The following UMODL1 variants were observed in gnomAD, a reference collection of about 807,000 sequenced individuals.
UMODL1 encodes uromodulin like 1, also known as uromodulin-like 1.
In UMODL1, 128 loss-of-function variants were observed where a neutral mutation model predicts 136.3. That is an observed-to-expected ratio of 0.94 (90% confidence interval 0.81 to 1.09). UMODL1 has a LOEUF of 1.09. Ranked by LOEUF, UMODL1 falls within the 50% of genes least tolerant of loss-of-function variation. The pLI, the probability that UMODL1 is intolerant of heterozygous loss-of-function variation, is 0.00. For synonymous variants in UMODL1, 721 were observed against 720.0 expected, an observed-to-expected ratio of 1.00 and a Z score of -0.02; for missense variants, 1,766 against 1,725.6, an observed-to-expected ratio of 1.02 and a Z score of -0.41.
At chr21:42,086,901 G>A (rs2066432875) in intron 4 of UMODL1, among the ~76,000 whole-genome samples, 1 of 152,252 alleles carries the variant, frequency 6.6e-6, no homozygotes, top group South Asian at 2.1e-4. Context: ...AGGAGGCGGA[G>A]GTTGCAGTGA....
rs1277528132 is a variant in UMODL1, at chr21:42,102,191, A to G, written c.1212A>G (p.Ile404Met). 1 of 1,613,538 alleles carries G rather than the reference A, an allele frequency of 6.2e-7. No individual in the cohort carries two copies. Among genetic ancestry groups the G allele is most frequent in the Non-Finnish European group, 8.5e-7 (1 of 1,179,628 alleles). ...ATGCCCAGGTATTTGAAGTCACAAT[A>G]AAGATTGTAAACCACAACCTGACGG... ...KTNAQVFEVTIKIVNHNLTEK... is the reference protein window; with the variant it reads ...KTNAQVFEVTMKIVNHNLTEK... Residue 404 changes from isoleucine (I) to methionine (M), a missense_variant, in exon 8 of 23, where the codon ATA (isoleucine) becomes ATG (methionine). Transcript: ENST00000408910.
At chr21:42,066,346 A>C (rs184050618), upstream of UMODL1, among the ~76,000 whole-genome samples, 147 of 152,170 alleles carry the variant, frequency 9.7e-4, no homozygotes, top group Non-Finnish European at 1.8e-3. Context: ...GCGGTGGCGC[A>C]ATCTCGGCTC....
chr21:42,127,398 A>C (rs1039071036), intron 19 of UMODL1, among the ~76,000 whole-genome samples, 156 bp downstream of exon 19: 15 of 152,152 alleles, frequency 9.9e-5, no homozygotes, highest in African/African-American at 3.6e-4. Flanking sequence ...CTGTCCAGCA[A>C]TGCCCAGGGC....
chr21:42,092,312 G>T (rs2146454581), intron 6 of UMODL1, among the ~76,000 whole-genome samples: 1 of 152,318 alleles, frequency 6.6e-6, no homozygotes, highest in Middle Eastern at 3.4e-3. Flanking sequence ...CAAAAGACAG[G>T]CGAAGCTGAT....
chr21:42,068,783 T>TG (rs2066204155), upstream of UMODL1, among the ~76,000 whole-genome samples: 1 of 152,172 alleles, frequency 6.6e-6, no homozygotes, highest in Non-Finnish European at 1.5e-5. This position sits in a 1 kb window ranked among gnomAD's most constrained non-coding sequence, Gnocchi z 5.5. Context: ...TGTGTGGACT[T>TG]GTGTGAGTGT....
In UMODL1 at chr21:42,122,662, CGTGTGT is replaced by C. The variant is rs59428323; in HGVS notation, c.2828-155_2828-150del. 0.027 allele frequency among the ~76,000 whole-genome samples: 4,050 copies of C among 150,370 alleles called. 160 individuals are homozygous for C. Among genetic ancestry groups the C allele is most frequent in the African/African-American group, 0.091 (3,723 of 41,086 alleles). ...GTGTACGTGTGTGTGCATATGTGTG[CGTGTGT>C]GTGTGTGTGTGTGCACGTGTGTAGT... On this transcript the variant is annotated intron_variant, in intron 16 of 22. Transcript: ENST00000408910. The surrounding 1 kb of genome is among the most constrained non-coding windows in gnomAD (Gnocchi z 4.3).
In UMODL1 at chr21:42,111,004, C is replaced by T. The variant is rs776895609; in HGVS notation, c.1782C>T (p.Tyr594=). Residue 594 remains tyrosine (Y), a synonymous_variant, in exon 11 of 23, where the codon TAC becomes TAT. Transcript: ENST00000408910. Reference sequence around the variant, plus strand: ...TCACCTTGTCACCCAGTCCTGGGTACCCTCAGGGCACCCCGGCAGCAGGCC... The same window carrying T: ...TCACCTTGTCACCCAGTCCTGGGTATCCTCAGGGCACCCCGGCAGCAGGCC... ...ENFTLSPSPG[Y]PQGTPAAGQA... 4 of 1,612,928 alleles carry T rather than the reference C, an allele frequency of 2.5e-6. No homozygotes were observed. Among genetic ancestry groups the T allele is most frequent in the Non-Finnish European group, 3.4e-6 (4 of 1,179,680 alleles).
upstream of UMODL1, among the ~76,000 whole-genome samples, chr21:42,067,527 T>C (rs950331713): frequency 7.2e-5 from 11 of 152,246 alleles, no homozygotes; most frequent in African/African-American, 2.4e-4. Context: ...TGTCCAGCCG[T>C]TGGCAGAACG....
At chr21:42,108,458 G>A (rs1039607215) in intron 9 of UMODL1, 2 of 464,810 alleles carry the variant, frequency 4.3e-6, no homozygotes, top group Admixed American at 2.4e-5. Flanking sequence ...TGTGGAGACC[G>A]CAGGAAGCAC....
intron 10 of UMODL1, 51 bp from the exon 11 acceptor site, chr21:42,110,829 T>C: frequency 6.6e-7 from 1 of 1,519,440 alleles, no homozygotes; most frequent in Non-Finnish European, 8.9e-7. Flanking sequence ...GGGAGGGCTC[T>C]TACTCGTGGG....
At chr21:42,131,281 G>C (rs936872064) in intron 21 of UMODL1, among the ~76,000 whole-genome samples, 5 of 151,890 alleles carry the variant, frequency 3.3e-5, no homozygotes, top group African/African-American at 1.2e-4. Flanking sequence ...GTCTTTCCCT[G>C]TATGAGAACT....
Position 42,088,452 on chromosome 21 carries a change from CTA to C in UMODL1, c.764_765del (p.Tyr255Ter). On this transcript the variant is annotated frameshift_variant, in exon 5 of 23. Coordinates refer to ENST00000408910, the MANE Select transcript of UMODL1 (RefSeq NM_001004416.3). LOFTEE classifies it high-confidence loss of function. ...TLLGDIAKRV[Y>X]EVISVQVQDV... Reference sequence around the variant, plus strand: ...TGCTGGGTGACATTGCGAAGCGTGTCTATGAAGTGATCAGCGTCCAGGTGCAA... The same window carrying C: ...TGCTGGGTGACATTGCGAAGCGTGTCTGAAGTGATCAGCGTCCAGGTGCAA... The C allele has an allele frequency of 4.4e-6, 7 of 1,607,424 alleles. No individual in the cohort carries two copies. Among genetic ancestry groups the C allele is most frequent in the Non-Finnish European group, 5.1e-6 (6 of 1,174,390 alleles).
At chr21:42,092,704 A>G (rs547025127) in intron 6 of UMODL1, among the ~76,000 whole-genome samples, 4 of 152,336 alleles carry the variant, frequency 2.6e-5, no homozygotes, top group African/African-American at 9.6e-5. Flanking sequence ...AAAGGGACTC[A>G]ACATTGAGGA....
chr21:42,122,583 G>A lies in UMODL1; in HGVS notation c.2828-248G>A, dbSNP rs1220228349. Among the ~76,000 whole-genome samples, 1 of 74,602 alleles carries A rather than the reference G, an allele frequency of 1.3e-5. No individual in the cohort carries two copies. The highest frequency in any genetic ancestry group is 3.1e-5 in the Non-Finnish European group (1 of 32,444). The allele number at this position is 74,602 out of a possible 152,430, so 48.9% of individuals were successfully genotyped here. On this transcript the variant is annotated intron_variant, in intron 16 of 22. Coordinates refer to ENST00000408910, the MANE Select transcript of UMODL1 (RefSeq NM_001004416.3). The surrounding 1 kb of genome is among the most constrained non-coding windows in gnomAD (Gnocchi z 4.3). The stretch of plus-strand genomic sequence containing the variant: ...TCTGCACGTGTGTGCGTGCGTGTGT[G>A]CATGTGTGTGCATGTGTGTGCATCT...
In UMODL1 at chr21:42,127,281, C is replaced by T. The variant is rs1307598186; in HGVS notation, c.3530+39C>T. 5 of 1,555,084 alleles carry T rather than the reference C, an allele frequency of 3.2e-6. No individual in the cohort carries two copies. In the South Asian group the frequency reaches 5.6e-5, roughly 17 times the overall value. The stretch of plus-strand genomic sequence containing the variant: ...GTGCAGGCACCCCCATCCAGCAATG[C>T]CTGGGGCTTTATTAACAATAGGTAG... On this transcript the variant is annotated intron_variant, in intron 19 of 22. Coordinates refer to ENST00000408910, the MANE Select transcript of UMODL1 (RefSeq NM_001004416.3).
At chr21:42,076,629 C>T (rs1027428180) in intron 2 of UMODL1, among the ~76,000 whole-genome samples, 1 of 152,122 alleles carries the variant, frequency 6.6e-6, no homozygotes, top group Non-Finnish European at 1.5e-5. Context: ...GAGAGAGTGT[C>T]GGAAGTTTTC....
At chr21:42,071,514 A>G in intron 1 of UMODL1, 122 bp downstream of exon 1, 1 of 1,010,264 alleles carries the variant, frequency 9.9e-7, no homozygotes, top group Non-Finnish European at 1.3e-6. Context: ...TGGAGAGGCG[A>G]CATCTGTTCT....
Position 42,119,137 on chromosome 21 carries a change from GT to G in UMODL1, c.2503del (p.Cys835ValfsTer28). ...TGCGGGGCTCCCTGCCAGCCACCAT[GT>G]GTCAGCACATGGACGCTGGTGGGGT... ...MVRGSLPATM[C>X]QHMDAGGVRM... On this transcript the variant is annotated frameshift_variant, in exon 15 of 23. Transcript: ENST00000408910. LOFTEE classifies it high-confidence loss of function. 1 of 1,613,520 alleles carries G rather than the reference GT, an allele frequency of 6.2e-7. No homozygotes were observed. The highest frequency in any genetic ancestry group is 8.5e-7 in the Non-Finnish European group (1 of 1,179,862).
rs539285234 is a variant in UMODL1 at position 42,079,968 on chromosome 21, G to A, written c.319+3721G>A. Among the ~76,000 whole-genome samples the A allele has an allele frequency of 6.7e-4, 102 of 152,328 alleles. 1 individual carries two copies. The highest frequency in any genetic ancestry group is 2.1e-3 in the African/African-American group (86 of 41,562). On this transcript the variant is annotated intron_variant, in intron 2 of 22. Transcript: ENST00000408910. ...TCTCAGAAAGGTCCCTGCCTGTGCC[G>A]GGGCCTGGTGAAGGGCACAGCCCAC...
Sources: allele counts gnomAD v4.1 joint callset (sites outside exome capture counted in the v4.1 genomes callset), GRCh38; gene constraint gnomAD v4.1.1; non-coding constraint Gnocchi (gnomAD v3.1); transcripts MANE v1.5; gene names NCBI Gene and HGNC (gene_info 2026-07-23, HGNC 2026-07-21).